Variants in RALGPS1 observed in about 807,000 individuals in gnomAD.
RALGPS1 encodes ras-specific guanine nucleotide-releasing factor RalGPS1.
Under a neutral mutation model 78.8 loss-of-function variants are expected in RALGPS1, and 19 were observed. The ratio of observed to expected loss-of-function variants is 0.24; its 90% CI spans 0.17 to 0.35. RALGPS1 has a LOEUF of 0.35. Among genes scored for constraint, RALGPS1 ranks in the 10% least tolerant of loss-of-function variants. The pLI is 1.00. For synonymous variants in RALGPS1, 228 were observed against 256.3 expected (o/e 0.89, Z 1.06); for missense variants, 454 against 688.3 (o/e 0.66, Z 3.81).
intron 4 of RALGPS1, among the ~76,000 whole-genome samples, chr9:127,020,482 G>C (rs538038551): frequency 3.3e-5 from 5 of 152,286 alleles, no homozygotes; most frequent in South Asian, 2.1e-4. Flanking sequence ...GAAAACCAAA[G>C]TAATAAATTA....
At chr9:126,925,412 G>T (rs1169530895) in intron 1 of RALGPS1, among the ~76,000 whole-genome samples, 1 of 151,964 alleles carries the variant, frequency 6.6e-6, no homozygotes, top group Non-Finnish European at 1.5e-5. Context: ...GCCGGGCATG[G>T]TGGCACGTGC....
At chr9:127,182,382 C>CT (rs2060309175) in intron 11 of RALGPS1, among the ~76,000 whole-genome samples, 4 of 44,980 alleles carry the variant, frequency 8.9e-5, no homozygotes, top group Non-Finnish European at 1.1e-4. Flanking sequence ...CCCTCCCTCC[C>CT]TCCCTCCCTC....
chr9:127,202,558 C>T (rs764445510), intron 14 of RALGPS1, among the ~76,000 whole-genome samples: 2 of 152,182 alleles, frequency 1.3e-5, no homozygotes, highest in Non-Finnish European at 2.9e-5. Context: ...TCTTCATCCT[C>T]CTGTCTCCTC....
chr9:127,125,069 T>G (rs2789508), intron 8 of RALGPS1, among the ~76,000 whole-genome samples: 3,719 of 152,304 alleles, frequency 0.024, 57 homozygotes, highest in Middle Eastern at 0.048. Context: ...GGAGTCAGAT[T>G]CTAGTTCTAC....
intron 1 of RALGPS1, among the ~76,000 whole-genome samples, chr9:126,958,251 A>G (rs2038560638): frequency 6.6e-6 from 1 of 151,510 alleles, no homozygotes; most frequent in Non-Finnish European, 1.5e-5. Flanking sequence ...GATCACCATC[A>G]TGAAACAGAG....
chr9:126,967,562 C>T (rs768507666), intron 3 of RALGPS1, among the ~76,000 whole-genome samples: 22 of 151,842 alleles, frequency 1.4e-4, no homozygotes, highest in African/African-American at 5.1e-4. Context: ...TTTGAGACAG[C>T]ATCTCATTCC....
At chr9:126,939,398 A>G (rs1236786135) in intron 1 of RALGPS1, among the ~76,000 whole-genome samples, 1 of 152,236 alleles carries the variant, frequency 6.6e-6, no homozygotes, top group Non-Finnish European at 1.5e-5. Flanking sequence ...GGATGAAATA[A>G]CAGTATTTGA....
At chr9:127,099,342 T>A (rs1329788974) in intron 8 of RALGPS1, among the ~76,000 whole-genome samples, 3 of 152,214 alleles carry the variant, frequency 2.0e-5, no homozygotes, top group Non-Finnish European at 4.4e-5. Flanking sequence ...ATGAGAACTG[T>A]ATGCTGTTTT....
chr9:127,072,021 A>G (rs1449238822), intron 8 of RALGPS1, among the ~76,000 whole-genome samples: 2 of 152,110 alleles, frequency 1.3e-5, no homozygotes, highest in East Asian at 3.9e-4. Flanking sequence ...CTATTAATCT[A>G]CTTTGTGTCT....
chr9:127,195,696 G>A (rs1244665858), intron 12 of RALGPS1, among the ~76,000 whole-genome samples: 1 of 152,206 alleles, frequency 6.6e-6, no homozygotes, highest in Admixed American at 6.5e-5. Flanking sequence ...GGCATGGCTA[G>A]GGCAACTGTG....
Position 127,220,792 on chromosome 9 carries a change from A to G in RALGPS1, c.*2023A>G, listed in dbSNP as rs969907606. Reference sequence around the variant, plus strand: ...TTTTCCTTGGGTTTTTCCACTCTGCAAACTGTCCTGGTTTTTCACACCAAT... The same window carrying G: ...TTTTCCTTGGGTTTTTCCACTCTGCGAACTGTCCTGGTTTTTCACACCAAT... On this transcript the variant is annotated 3_prime_UTR_variant, in exon 19 of 19. Coordinates refer to ENST00000259351, the MANE Select transcript of RALGPS1 (RefSeq NM_014636.3). 5 of 152,510 alleles carry G rather than the reference A, an allele frequency of 3.3e-5. No individual in the cohort carries two copies. Among genetic ancestry groups the G allele is most frequent in the African/African-American group, 7.2e-5 (3 of 41,472 alleles). 9.4% of individuals were successfully genotyped at this position (152,510 alleles called of 1,614,324 possible).
intron 8 of RALGPS1, chr9:127,087,561 C>T (rs2051912015): frequency 6.6e-6 from 1 of 152,652 alleles, no homozygotes; most frequent in Admixed American, 6.5e-5. Flanking sequence ...GGAAGGGTCT[C>T]ACCTTCTTGA....
At chr9:127,030,201 C>T (rs773076311) in intron 4 of RALGPS1, among the ~76,000 whole-genome samples, 128 of 152,006 alleles carry the variant, frequency 8.4e-4, no homozygotes, top group Non-Finnish European at 1.5e-3. Flanking sequence ...CTATCTTGGA[C>T]GGGAGCTCAG....
At chr9:127,054,416 C>T (rs1176920639) in intron 7 of RALGPS1, among the ~76,000 whole-genome samples, 1 of 152,194 alleles carries the variant, frequency 6.6e-6, no homozygotes, top group African/African-American at 2.4e-5. Flanking sequence ...TCTCAACAAT[C>T]CCTATAAGCT....
intron 7 of RALGPS1, among the ~76,000 whole-genome samples, chr9:127,062,563 C>T (rs2049318216): frequency 6.6e-6 from 1 of 152,136 alleles, no homozygotes; most frequent in African/African-American, 2.4e-5. Context: ...GTAAGGAAGG[C>T]TAAAATCACA....
At chr9:127,021,203 T>C (rs1338162120) in intron 4 of RALGPS1, among the ~76,000 whole-genome samples, 4 of 151,980 alleles carry the variant, frequency 2.6e-5, no homozygotes, top group Admixed American at 6.6e-5. Context: ...GCCTAAGCAA[T>C]GTAATAAGAC....
At chr9:127,127,355 T>A (rs2056692283) in intron 8 of RALGPS1, among the ~76,000 whole-genome samples, 1 of 152,182 alleles carries the variant, frequency 6.6e-6, no homozygotes, top group Non-Finnish European at 1.5e-5. Context: ...TTGACCAGAG[T>A]AGTTGTTCAA....
At chr9:126,999,672 G>T (rs1028497132) in intron 4 of RALGPS1, among the ~76,000 whole-genome samples, 11 of 151,948 alleles carry the variant, frequency 7.2e-5, no homozygotes, top group African/African-American at 2.4e-4. Context: ...TTTCTTTTTA[G>T]TGCTGAATAA....
intron 11 of RALGPS1, among the ~76,000 whole-genome samples, chr9:127,182,677 C>T (rs565406579): frequency 7.9e-4 from 120 of 152,232 alleles, no homozygotes; most frequent in Middle Eastern, 3.4e-3. Flanking sequence ...GATCTGCCCA[C>T]CTTGGCCTCC....
Sources: allele counts gnomAD v4.1 joint callset (sites outside exome capture counted in the v4.1 genomes callset), GRCh38; gene constraint gnomAD v4.1.1; transcripts MANE v1.5; gene names NCBI Gene and HGNC (gene_info 2026-07-23, HGNC 2026-07-21).